ADCY7: variants seen among roughly 807,000 people sequenced by gnomAD.
The protein encoded by ADCY7 is adenylate cyclase 7.
A neutral mutation model predicts 120.6 loss-of-function variants in ADCY7; 72 were observed. The observed-to-expected ratio is 0.60, with a 90% CI of 0.49 to 0.73. The LOEUF (loss-of-function observed/expected upper bound fraction) is 0.73, where lower values mean the gene tolerates loss of function less well. ADCY7 is among the 30% of genes least tolerant of loss of function. The pLI is 0.00. For missense variants in ADCY7, 1,227 were observed against 1,486.0 expected, an observed-to-expected ratio of 0.83 and a Z score of 2.87; for synonymous variants, 661 against 628.0, an observed-to-expected ratio of 1.05 and a Z score of -0.78.
intron 12 of ADCY7, 49 bp from the exon 13 acceptor site, chr16:50,305,454 A>G (rs2035995258): frequency 3.9e-6 from 6 of 1,528,568 alleles, no homozygotes; most frequent in Non-Finnish European, 5.4e-6. Flanking sequence ...CCTCTGGGAG[A>G]GTTGGAGGTG....
chr16:50,249,170 C>T lies in ADCY7; in HGVS notation c.-64+2967C>T, dbSNP rs141241211. On this transcript the variant is annotated intron_variant, in intron 1 of 4. Transcript: ENST00000564044. ...GTACTCAGGCTCTGGCCTGGCGCAG[C>T]GGCTCACACCTGTAATTCTAGCTCT... is the stretch of plus-strand genomic sequence containing the variant. Among the ~76,000 whole-genome samples the T allele has an allele frequency of 2.2e-4, 34 of 152,288 alleles. No individual in the cohort carries two copies. In the East Asian group the frequency reaches 5.6e-3, roughly 25 times the overall value.
intron 1 of ADCY7, among the ~76,000 whole-genome samples, chr16:50,269,646 C>T (rs2033433695): frequency 6.6e-6 from 1 of 152,116 alleles, no homozygotes; most frequent in Non-Finnish European, 1.5e-5. Flanking sequence ...GTGGCCTGAC[C>T]CTCAGCACCG....
Position 50,304,403 on chromosome 16 carries a change from AG to A in ADCY7, c.1417del (p.Asp473ThrfsTer4). On this transcript the variant is annotated frameshift_variant, in exon 11 of 26. Coordinates refer to ENST00000673801, the MANE Select transcript of ADCY7 (RefSeq NM_001114.5). LOFTEE classifies it high-confidence loss of function. ...PPPSQHLPRP[K>X]GDAALKMRAS... ...CCCAGCCAACACCTCCCCAGGCCCAAGGGGGACGCGGCCCTGAAGATGCGGG... is the reference window on the plus strand; with the variant it reads ...CCCAGCCAACACCTCCCCAGGCCCAAGGGGACGCGGCCCTGAAGATGCGGG... The A allele has an allele frequency of 1.3e-6, 2 of 1,586,998 alleles. No homozygotes were observed. The highest frequency in any genetic ancestry group is 8.6e-7 in the Non-Finnish European group (1 of 1,165,702).
At chr16:50,280,680 G>A (rs1303287713) in intron 1 of ADCY7, among the ~76,000 whole-genome samples, 1 of 152,170 alleles carries the variant, frequency 6.6e-6, no homozygotes, top group Admixed American at 6.5e-5. Flanking sequence ...GGCCAGGTGA[G>A]AACATCAGCC....
chr16:50,253,668 T>C (rs1490785731), intron 1 of ADCY7, among the ~76,000 whole-genome samples: 1 of 152,124 alleles, frequency 6.6e-6, no homozygotes, highest in Non-Finnish European at 1.5e-5. Flanking sequence ...CACTGCCCAC[T>C]CTTTTGTGGT....
At chr16:50,276,985 T>A (rs2150873645) in intron 1 of ADCY7, among the ~76,000 whole-genome samples, 1 of 151,974 alleles carries the variant, frequency 6.6e-6, no homozygotes, top group South Asian at 2.1e-4. Context: ...ACACTGACAA[T>A]AGGAATAGAA....
chr16:50,311,156 C>T (rs1006495775), intron 19 of ADCY7, among the ~76,000 whole-genome samples: 2 of 152,180 alleles, frequency 1.3e-5, no homozygotes, highest in Non-Finnish European at 2.9e-5. Flanking sequence ...CTCTCAAGGC[C>T]ACATCCTGGG....
In ADCY7 at chr16:50,247,585, G is replaced by T. The variant is rs2032631184; in HGVS notation, c.-64+1382G>T. 8.3e-5 allele frequency among the ~76,000 whole-genome samples: 10 copies of T among 120,818 alleles called. No homozygotes were observed. The South Asian group carries it at 2.6e-3, about 32-fold the overall frequency. The allele number at this position is 120,818 out of a possible 152,430, so 79.3% of individuals were successfully genotyped here. ...GGTGGACGCATGGTCTCACTATGTTGTCCAGGCTAGTCTTGAACTCCCGGG... is the reference window on the plus strand; with the variant it reads ...GGTGGACGCATGGTCTCACTATGTTTTCCAGGCTAGTCTTGAACTCCCGGG... On this transcript the variant is annotated intron_variant, in intron 1 of 4. Transcript: ENST00000564044.
chr16:50,300,523 T>C (rs2035645274), intron 8 of ADCY7, among the ~76,000 whole-genome samples, 192 bp from the exon 9 acceptor site: 1 of 152,202 alleles, frequency 6.6e-6, no homozygotes, highest in African/African-American at 2.4e-5. Context: ...CCACACCTAC[T>C]TGTATGCTCC....
Position 50,315,005 on chromosome 16 carries a change from C to T in ADCY7, c.2972-9C>T. The T allele has an allele frequency of 1.2e-6, 2 of 1,614,040 alleles. No homozygotes were observed. The highest frequency in any genetic ancestry group is 1.7e-6 in the Non-Finnish European group (2 of 1,179,940). On this transcript the variant is annotated splice_polypyrimidine_tract_variant and intron_variant, in intron 24 of 25. Transcript: ENST00000673801. ...TGCACGCTTGGGTAACTGTAAACATCATCTTCAGGCATAAACCATGGGCCT... is the reference window on the plus strand; with the variant it reads ...TGCACGCTTGGGTAACTGTAAACATTATCTTCAGGCATAAACCATGGGCCT...
chr16:50,291,808 G>C lies in ADCY7; in HGVS notation c.448G>C (p.Val150Leu). Residue 150 changes from valine (V) to leucine (L), a missense_variant, in exon 4 of 26, where the codon GTT (valine) becomes CTT (leucine). By Grantham distance (32) the Val-to-Leu change is conservative. Transcript: ENST00000673801. ...LPFSMRGAVAVGAVSTASHLL... is the reference protein window; with the variant it reads ...LPFSMRGAVALGAVSTASHLL... ...CTTCAGCATGCGGGGCGCTGTCGCC[G>C]TTGGGGCCGTCTCCACTGCCTCCCA... 6.2e-7 allele frequency: 1 copy of C among 1,614,090 alleles called. No individual in the cohort carries two copies. The highest frequency in any genetic ancestry group is 8.5e-7 in the Non-Finnish European group (1 of 1,179,980).
At chr16:50,300,576 C>A in intron 8 of ADCY7, 139 bp from the exon 9 acceptor site, 4 of 1,036,704 alleles carry the variant, frequency 3.9e-6, no homozygotes, top group Non-Finnish European at 5.5e-6. Context: ...GCAGCCCCAT[C>A]AGGCTGAGAA....
rs772301821 is a variant in ADCY7 at position 50,311,791 on chromosome 16, G to A, written c.2448+5G>A. The A allele has an allele frequency of 3.8e-6, 5 of 1,307,530 alleles. No individual in the cohort carries two copies. Among genetic ancestry groups the A allele is most frequent in the Middle Eastern group, 2.5e-4 (1 of 3,934 alleles). The allele number at this position is 1,307,530 out of a possible 1,614,324, so 81.0% of individuals were successfully genotyped here. On this transcript the variant is annotated splice_donor_5th_base_variant and intron_variant, in intron 20 of 25. Coordinates refer to ENST00000673801, the MANE Select transcript of ADCY7 (RefSeq NM_001114.5). The stretch of plus-strand genomic sequence containing the variant: ...CTGCTTACACTCTCCAGACAGGTAA[G>A]GAGGCTGGCCCCCCCCCCCCCCCCA...
chr16:50,308,214 G>T, intron 15 of ADCY7, 113 bp from the exon 16 acceptor site: 1 of 1,585,582 alleles, frequency 6.3e-7, no homozygotes, highest in Non-Finnish European at 8.6e-7. Flanking sequence ...CTTTGCTGTG[G>T]GCAGAATACC....
chr16:50,304,986 T>A (rs750681276), intron 12 of ADCY7, 27 bp downstream of exon 12: 4 of 1,612,672 alleles, frequency 2.5e-6, no homozygotes, highest in Non-Finnish European at 3.4e-6. Flanking sequence ...CCTGGCCAAG[T>A]CCTGCTGCAG....
rs2036884740 is a variant in ADCY7 at position 50,317,907 on chromosome 16, AAC to A, written c.*2404_*2405del. On this transcript the variant is annotated 3_prime_UTR_variant, in exon 26 of 26. Transcript: ENST00000673801. Reference sequence around the variant, plus strand: ...GAGGAAATTTCCTAACAAACAAACAAACAAACAAACAGAAGAGAAGATCATTA... The same window carrying A: ...GAGGAAATTTCCTAACAAACAAACAAAAACAAACAGAAGAGAAGATCATTA... 1 of 152,096 alleles carries A rather than the reference AAC, an allele frequency of 6.6e-6. No individual in the cohort carries two copies. Among genetic ancestry groups the A allele is most frequent in the African/African-American group, 2.4e-5 (1 of 41,272 alleles). The allele number at this position is 152,096 out of a possible 1,614,324, so 9.4% of individuals were successfully genotyped here. A position where few individuals can be genotyped will look rare whatever the true frequency, so the allele number is the denominator to read the frequency against.
In ADCY7 at chr16:50,303,930, G is replaced by C. The variant is rs1596961189; in HGVS notation, c.1369-430G>C. Among the ~76,000 whole-genome samples, 3 of 152,210 alleles carry C rather than the reference G, an allele frequency of 2.0e-5. No individual in the cohort carries two copies. In the East Asian group the frequency reaches 5.8e-4, roughly 29 times the overall value. The stretch of plus-strand genomic sequence containing the variant: ...GGTAGGATGCCTGTGGCTTTCCCAG[G>C]CGCCTCCTGGGGAGGAGCTGATGGG... On this transcript the variant is annotated intron_variant, in intron 10 of 25. Coordinates refer to ENST00000673801, the MANE Select transcript of ADCY7 (RefSeq NM_001114.5).
chr16:50,290,716 T>C (rs1023581533), intron 3 of ADCY7, 56 bp downstream of exon 3: 2 of 1,565,764 alleles, frequency 1.3e-6, no homozygotes, highest in Non-Finnish European at 1.7e-6. Context: ...CCCATCCCCG[T>C]GGTTGGTGGG....
intron 10 of ADCY7, among the ~76,000 whole-genome samples, chr16:50,302,450 G>A (rs2035792565): frequency 6.6e-6 from 1 of 152,192 alleles, no homozygotes; most frequent in Non-Finnish European, 1.5e-5. Context: ...AAAACTGCAG[G>A]CTGCCTGGGC....
Sources: allele counts gnomAD v4.1 joint callset (sites outside exome capture counted in the v4.1 genomes callset), GRCh38; gene constraint gnomAD v4.1.1; transcripts MANE v1.5; gene names NCBI Gene and HGNC (gene_info 2026-07-23, HGNC 2026-07-21).